TIAM2: variants seen among roughly 807,000 people sequenced by gnomAD.
TIAM2 encodes the protein rho guanine nucleotide exchange factor TIAM2.
A neutral mutation model predicts 152.9 loss-of-function variants in TIAM2; 80 were observed. That is an observed-to-expected ratio of 0.52 (90% CI 0.44 to 0.63). TIAM2 has a LOEUF of 0.63. Among genes scored for constraint, TIAM2 ranks in the 30% least tolerant of loss-of-function variants. TIAM2 has a pLI of 0.00. For missense variants in TIAM2, 1,965 were observed against 2,120.1 expected (o/e 0.93, Z 1.44); for synonymous variants, 804 against 838.0 (o/e 0.96, Z 0.70).
chr6:155,070,924 C>T (rs1229313357), intron 1 of TIAM2, among the ~76,000 whole-genome samples: 1 of 152,162 alleles, frequency 6.6e-6, no homozygotes, highest in Non-Finnish European at 1.5e-5. Context: ...GTAATCCCAG[C>T]TCTTTGGGAA....
At chr6:155,005,342 T>C (rs1205729422) in intron 1 of TIAM2, 1 of 163,296 alleles carries the variant, frequency 6.1e-6, no homozygotes, top group Non-Finnish European at 1.3e-5. Context: ...GTTTTTGTTT[T>C]TTATTTTTTA....
intron 1 of TIAM2, among the ~76,000 whole-genome samples, chr6:155,026,573 G>A (rs957853904): frequency 1.3e-5 from 2 of 152,240 alleles, no homozygotes; most frequent in Non-Finnish European, 2.9e-5. Flanking sequence ...CTGCATGCTG[G>A]AGGTAGATGC....
chr6:155,003,571 C>T (rs551747050), intron 1 of TIAM2, among the ~76,000 whole-genome samples: 7 of 152,302 alleles, frequency 4.6e-5, no homozygotes, highest in African/African-American at 1.4e-4. Context: ...TCGACGCTCC[C>T]AGCTGTGCCT....
At chr6:155,233,864 G>C (rs1355549854) in intron 15 of TIAM2, among the ~76,000 whole-genome samples, 1 of 152,106 alleles carries the variant, frequency 6.6e-6, no homozygotes, top group African/African-American at 2.4e-5. Flanking sequence ...TTAGGAGGCT[G>C]AGGTGGGAGG....
At chr6:155,104,735 C>T (rs566385178) in intron 2 of TIAM2, among the ~76,000 whole-genome samples, 2 of 140,616 alleles carry the variant, frequency 1.4e-5, no homozygotes, top group East Asian at 2.0e-4. Flanking sequence ...CCAGCCTGGG[C>T]AACAGAGAGA....
At position 155,250,921 on chromosome 6, in the gene TIAM2, A is replaced by G. The variant is rs1291221482; in HGVS notation, c.3960A>G (p.Glu1320=). 1 of 1,614,180 alleles carries G rather than the reference A, an allele frequency of 6.2e-7. No homozygotes were observed. Among genetic ancestry groups the G allele is most frequent in the Non-Finnish European group, 8.5e-7 (1 of 1,180,024 alleles). ...EQSGTEKEVT[E]LSMGELLMHS... is the part of the protein sequence containing the mutation. ...CTGTTTTTACAATCTAGGTAACAGAACTTTCGATGGGAGAGCTTCTGATGC... is the reference window on the plus strand; with the variant it reads ...CTGTTTTTACAATCTAGGTAACAGAGCTTTCGATGGGAGAGCTTCTGATGC... Residue 1320 remains glutamate (E), a synonymous_variant, in exon 22 of 27, where the codon GAA becomes GAG. Coordinates refer to ENST00000682666, the MANE Select transcript of TIAM2 (RefSeq NM_012454.4).
intron 1 of TIAM2, among the ~76,000 whole-genome samples, chr6:155,057,340 C>T (rs577405124): frequency 6.6e-6 from 1 of 151,938 alleles, no homozygotes; most frequent in Admixed American, 6.6e-5. Flanking sequence ...CAGCTGGCCA[C>T]CTCAATTTTC....
Position 155,137,411 on chromosome 6 carries a change from G to C in TIAM2, c.1429G>C (p.Glu477Gln). Reference protein sequence around the residue: ...EMSRTNTENIETSTETAESSS... With the variant: ...EMSRTNTENIQTSTETAESSS... ...GAGCAGGACCAACACTGAGAACATA[G>C]AAACATCTACAGAAACCGCCGAGTC... The change falls in exon 5 of 27, where the codon GAA (glutamate) becomes CAA (glutamine). Residue 477 changes from glutamate (E) to glutamine (Q), a missense_variant. Transcript: ENST00000682666. The C allele has an allele frequency of 6.2e-7, 1 of 1,614,222 alleles. No homozygotes were observed. The highest frequency in any genetic ancestry group is 8.5e-7 in the Non-Finnish European group (1 of 1,180,038).
intron 1 of TIAM2, among the ~76,000 whole-genome samples, chr6:155,071,929 A>G (rs1438094537): frequency 6.6e-6 from 1 of 151,694 alleles, no homozygotes; most frequent in Non-Finnish European, 1.5e-5. Context: ...AAATAAAAGT[A>G]TTATTATCTC....
chr6:155,004,466 C>T lies in TIAM2; in HGVS notation c.-209+8974C>T, dbSNP rs1203670967. On this transcript the variant is annotated intron_variant, in intron 1 of 26. Transcript: ENST00000682666. Reference sequence around the variant, plus strand: ...AGTGCAGTGACATGATCTTGGCTCACTGCAACCCCCACCTCCTGGGTTCAC... The same window carrying T: ...AGTGCAGTGACATGATCTTGGCTCATTGCAACCCCCACCTCCTGGGTTCAC... Among the ~76,000 whole-genome samples the T allele has an allele frequency of 2.6e-5, 4 of 152,200 alleles. No individual in the cohort carries two copies. In the South Asian group the frequency reaches 6.2e-4, roughly 24 times the overall value.
chr6:155,113,219 C>G (rs1253515825), intron 2 of TIAM2, among the ~76,000 whole-genome samples: 1 of 152,164 alleles, frequency 6.6e-6, no homozygotes, highest in Non-Finnish European at 1.5e-5. Flanking sequence ...CTCTCCGGCA[C>G]TTGCACTTTC....
At chr6:155,216,263 G>A (rs1781858704) in intron 15 of TIAM2, among the ~76,000 whole-genome samples, 2 of 152,108 alleles carry the variant, frequency 1.3e-5, no homozygotes, top group South Asian at 4.2e-4. Flanking sequence ...TCTGTTTTCT[G>A]GGCTTCCTGC....
intron 1 of TIAM2, among the ~76,000 whole-genome samples, chr6:155,004,486 G>C (rs192621321): frequency 6.6e-5 from 10 of 152,212 alleles, no homozygotes; most frequent in African/African-American, 2.2e-4. Flanking sequence ...CACCTCCTGG[G>C]TTCACGCGAT....
At chr6:155,101,190 C>A (rs556837040) in intron 2 of TIAM2, among the ~76,000 whole-genome samples, 3 of 152,138 alleles carry the variant, frequency 2.0e-5, no homozygotes, top group Non-Finnish European at 2.9e-5. Context: ...AAATCAGCTC[C>A]CCCGGTAATG....
intron 2 of TIAM2, among the ~76,000 whole-genome samples, chr6:155,114,037 T>TATATATATA (rs1381031482): frequency 0.016 from 446 of 28,304 alleles, 4 homozygotes; most frequent in Non-Finnish European, 0.019. Flanking sequence ...TATATATATA[T>TATATATATA]TTTTTTTTTT....
chr6:155,250,664 A>G (rs1488765473), intron 21 of TIAM2: 2 of 1,514,352 alleles, frequency 1.3e-6, no homozygotes, highest in East Asian at 2.5e-5. Flanking sequence ...GTCACAAGGC[A>G]TGTCTCACCT....
At position 155,063,316 on chromosome 6, in the gene TIAM2, A is replaced by T. The variant is rs1319314127; in HGVS notation, c.-208-26973A>T. Among the ~76,000 whole-genome samples, 8 of 152,334 alleles carry T rather than the reference A, an allele frequency of 5.3e-5. No individual in the cohort carries two copies. In the East Asian group the frequency reaches 1.5e-3, roughly 29 times the overall value. On this transcript the variant is annotated intron_variant, in intron 1 of 26. Coordinates refer to ENST00000682666, the MANE Select transcript of TIAM2 (RefSeq NM_012454.4). ...TTTTAGCAGTTGATCATATTGTGGT[A>T]GACCTCTTCCCTGTGTGTACACCAC...
chr6:155,223,527 C>CTTT (rs11385281), intron 15 of TIAM2, among the ~76,000 whole-genome samples: 8 of 130,852 alleles, frequency 6.1e-5, no homozygotes, highest in African/African-American at 8.9e-5. Context: ...ATTTTTTTTT[C>CTTT]TTTTTTTTTT....
intron 2 of TIAM2, among the ~76,000 whole-genome samples, chr6:155,111,362 G>A (rs1328096254): frequency 1.3e-5 from 2 of 151,302 alleles, no homozygotes; most frequent in Non-Finnish European, 2.9e-5. Context: ...TTGATAGGAT[G>A]ATCACAAATG....
Sources: gnomAD v4.1 joint callset for allele counts (sites outside exome capture counted in the v4.1 genomes callset) on GRCh38, gnomAD v4.1.1 for gene constraint, MANE v1.5 for transcripts, NCBI Gene and HGNC (gene_info 2026-07-23, HGNC 2026-07-21) for gene names.